Variants in RPS6KA3 observed in about 807,000 individuals in gnomAD.
RPS6KA3 encodes ribosomal protein S6 kinase A3, also known as ribosomal protein S6 kinase alpha-3.
RPS6KA3 carries 4 observed loss-of-function variants against 67.2 expected under a neutral mutation model. That is an observed-to-expected ratio of 0.06 (90% CI 0.03 to 0.14). The LOEUF (loss-of-function observed/expected upper bound fraction) is 0.14, where lower values mean the gene tolerates loss of function less well. Ranked by LOEUF, RPS6KA3 falls within the 10% of genes least tolerant of loss-of-function variation. The pLI is 1.00. For synonymous variants in RPS6KA3, 182 were observed against 183.7 expected, an observed-to-expected ratio of 0.99 and a Z score of 0.07; for missense variants, 204 against 559.0, an observed-to-expected ratio of 0.36 and a Z score of 6.40.
intron 21 of RPS6KA3, 134 bp from the exon 22 acceptor site, chrX:20,155,654 G>T: frequency 1.3e-6 from 1 of 789,382 alleles, no homozygotes; most frequent in South Asian, 2.3e-5. Context: ...TAACCACACT[G>T]GTCAAATCCA....
At chrX:20,251,077 C>A (rs183280304) in intron 1 of RPS6KA3, among the ~76,000 whole-genome samples, 1 of 111,761 alleles carries the variant, frequency 8.9e-6, no homozygotes, top group African/African-American at 3.3e-5. Context: ...GTATAGAAAT[C>A]TGGGTTGACA....
chrX:20,205,421 A>G (rs188466280), intron 3 of RPS6KA3, among the ~76,000 whole-genome samples: 81 of 112,768 alleles, frequency 7.2e-4, no homozygotes, highest in Admixed American at 1.6e-3. Context: ...TTAAAAAATG[A>G]TTCATTCAAC....
At chrX:20,236,905 C>T (rs987953607) in intron 1 of RPS6KA3, among the ~76,000 whole-genome samples, 9 of 111,725 alleles carry the variant, frequency 8.1e-5, no homozygotes, top group African/African-American at 2.9e-4. Context: ...TCCCAAAGAA[C>T]TAGCTCCTAA....
intron 2 of RPS6KA3, 25 bp from the exon 3 acceptor site, chrX:20,209,429 C>A (rs1156991896): frequency 3.6e-6 from 3 of 833,848 alleles, no homozygotes; most frequent in Non-Finnish European, 5.4e-6. Context: ...GTAAGAGGAG[C>A]AAACAGGGTT....
At position 20,161,686 on chromosome X, in the gene RPS6KA3, T is replaced by A. The variant is rs2067307220; in HGVS notation, c.1917A>T (p.Ser639=). ...ILARIGSGKF[S]LSGGYWNSVS... ...CAGAATTCCAGTAACCACCACTGAG[T>A]GAGAATTTTCCGCTACCTATTCGTG... Residue 639 remains serine, a synonymous_variant, in exon 20 of 22, where the codon TCA becomes TCT. Coordinates refer to ENST00000379565, the MANE Select transcript of RPS6KA3 (RefSeq NM_004586.3). 2.6e-6 allele frequency: 3 copies of A among 1,171,379 alleles called. No homozygotes were observed. In the African/African-American group the frequency reaches 5.3e-5, roughly 21 times the overall value.
intron 2 of RPS6KA3, among the ~76,000 whole-genome samples, chrX:20,231,217 C>G (rs1439214302): frequency 9.0e-6 from 1 of 111,561 alleles, no homozygotes; most frequent in Non-Finnish European, 1.9e-5. Context: ...CTCAGCCTCC[C>G]AAAGTGCTGG....
At chrX:20,218,007 G>A (rs1217184780) in intron 2 of RPS6KA3, among the ~76,000 whole-genome samples, 1 of 111,855 alleles carries the variant, frequency 8.9e-6, no homozygotes, top group African/African-American at 3.2e-5. Context: ...TTATAAGTCA[G>A]CTCCTTTTAT....
At chrX:20,179,269 A>T in intron 10 of RPS6KA3, among the ~76,000 whole-genome samples, 1 of 111,990 alleles carries the variant, frequency 8.9e-6, no homozygotes, top group Non-Finnish European at 1.9e-5. Flanking sequence ...GAAGTCATGC[A>T]TGTAATATGT....
chrX:20,209,309 TA>T lies in RPS6KA3; in HGVS notation c.221del (p.Leu74Ter). On this transcript the variant is annotated frameshift_variant, in exon 3 of 22. Transcript: ENST00000379565. LOFTEE classifies it high-confidence loss of function. ...DPSQFELLKV[L>X]GQGSFGKVFL... ...TTACCTTTCCAAATGATCCCTGCCC[TA>T]ATACTTTTAAAAGTTCAAACTGGGA... 8.6e-7 allele frequency: 1 copy of T among 1,169,328 alleles called. No individual in the cohort carries two copies. The highest frequency in any genetic ancestry group is 1.2e-6 in the Non-Finnish European group (1 of 857,285).
At chrX:20,181,998 T>A (rs753143921) in intron 10 of RPS6KA3, among the ~76,000 whole-genome samples, 3 of 111,620 alleles carry the variant, frequency 2.7e-5, no homozygotes, top group Non-Finnish European at 5.7e-5. Context: ...GTGATAAAGG[T>A]TCAGTGATGA....
In RPS6KA3 at chrX:20,257,243, C is replaced by T. The variant is rs760338124; in HGVS notation, c.69+9321G>A. ...GGGAAAGAAAGAGCAGTGATCTTAACGTACCCCTCACCCTTGGTTTGTAGG... is the reference window on the plus strand; with the variant it reads ...GGGAAAGAAAGAGCAGTGATCTTAATGTACCCCTCACCCTTGGTTTGTAGG... On this transcript the variant is annotated intron_variant, in intron 1 of 21. Transcript: ENST00000379565. Among the ~76,000 whole-genome samples the T allele has an allele frequency of 8.0e-5, 9 of 112,200 alleles. No homozygotes were observed. The South Asian group carries it at 1.1e-3, about 14-fold the overall frequency.
At chrX:20,227,685 C>CT (rs371618128) in intron 2 of RPS6KA3, among the ~76,000 whole-genome samples, 12 of 105,499 alleles carry the variant, frequency 1.1e-4, no homozygotes, top group East Asian at 8.9e-4. Flanking sequence ...TGGAAAATTG[C>CT]TTTTTTTTTT....
chrX:20,251,421 C>T (rs917466652), intron 1 of RPS6KA3, among the ~76,000 whole-genome samples: 4 of 113,055 alleles, frequency 3.5e-5, no homozygotes, highest in Non-Finnish European at 5.6e-5. Flanking sequence ...GGATTATAGG[C>T]GTAAGCCCCT....
At chrX:20,266,469 C>T in intron 1 of RPS6KA3, 95 bp downstream of exon 1, 1 of 728,285 alleles carries the variant, frequency 1.4e-6, no homozygotes, top group Non-Finnish European at 2.0e-6. Flanking sequence ...CGAGCGGGAT[C>T]AGAACGGGCC....
rs756512913 is a variant in RPS6KA3 at position 20,179,215 on chromosome X, T to A, written c.846-2131A>T. On this transcript the variant is annotated intron_variant, in intron 10 of 21. Coordinates refer to ENST00000379565, the MANE Select transcript of RPS6KA3 (RefSeq NM_004586.3). The stretch of plus-strand genomic sequence containing the variant: ...ATGAAAATGCTGATAACTGGGAGTA[T>A]AAGAAAAGAACAGCAAATAAAGATA... Among the ~76,000 whole-genome samples, 22 of 111,877 alleles carry A rather than the reference T, an allele frequency of 2.0e-4. 1 individual carries two copies. The highest frequency in any genetic ancestry group is 4.2e-3 in the Middle Eastern group (1 of 237).
chrX:20,266,577 G>C lies in RPS6KA3; in HGVS notation c.56C>G (p.Ser19Cys), dbSNP rs2070393503. 8.7e-7 allele frequency: 1 copy of C among 1,150,996 alleles called. No individual in the cohort carries two copies. Among genetic ancestry groups the C allele is most frequent in the African/African-American group, 1.8e-5 (1 of 55,356 alleles). 94.9% of individuals were successfully genotyped at this position (1,150,996 alleles called of 1,213,427 possible). The change falls in exon 1 of 22, where the codon TCC becomes TGC. Residue 19 changes from serine (S) to cysteine (C), a missense_variant. By Grantham distance (112) the Ser-to-Cys change is moderately radical (BLOSUM62 -1). Transcript: ENST00000379565. ...PWQKMAVESP[S>C]DSAENGQQIM... ...TGCTGCACTCACCTCAGCGCTGTCG[G>C]ACGGGCTCTCCACAGCCATCTTCTG...
At chrX:20,209,445 G>A in intron 2 of RPS6KA3, 41 bp from the exon 3 acceptor site, 1 of 710,777 alleles carries the variant, frequency 1.4e-6, no homozygotes. Context: ...GGGTTAGCCA[G>A]AGCTATTTTC....
chrX:20,238,339 A>C (rs1400478227), intron 1 of RPS6KA3, among the ~76,000 whole-genome samples: 2 of 111,674 alleles, frequency 1.8e-5, no homozygotes, highest in East Asian at 5.6e-4. Context: ...CACAATGCTG[A>C]CATATCAAGT....
intron 1 of RPS6KA3, among the ~76,000 whole-genome samples, chrX:20,261,156 G>C (rs1018644127): frequency 9.1e-6 from 1 of 110,067 alleles, no homozygotes; most frequent in African/African-American, 3.3e-5. Context: ...GGGTTACAGA[G>C]GGGGTGGGGG....
Sources: gnomAD v4.1 joint callset for allele counts (sites outside exome capture counted in the v4.1 genomes callset) on GRCh38, gnomAD v4.1.1 for gene constraint, MANE v1.5 for transcripts, NCBI Gene and HGNC (gene_info 2026-07-23, HGNC 2026-07-21) for gene names.